The following C11orf97 variants were observed in gnomAD, a reference collection of about 807,000 sequenced individuals.
C11orf97 encodes the protein uncharacterized protein C11orf97.
Under a neutral mutation model 16.2 loss-of-function variants are expected in C11orf97, and 15 were observed. That is an observed-to-expected ratio of 0.93 (90% CI 0.62 to 1.43). The LOEUF (loss-of-function observed/expected upper bound fraction) is 1.43, where lower values mean the gene tolerates loss of function less well. C11orf97 is among the 40% of genes most tolerant of loss of function. The pLI is 0.00. For synonymous variants in C11orf97, 61 were observed against 65.7 expected (o/e 0.93, Z 0.34); for missense variants, 171 against 161.2 (o/e 1.06, Z -0.33).
intron 3 of C11orf97, among the ~76,000 whole-genome samples, chr11:94,531,037 C>T (rs7931179): frequency 6.6e-6 from 1 of 152,070 alleles, no homozygotes; most frequent in African/African-American, 2.4e-5. Context: ...GTAGTTGGGA[C>T]TCTTCCAACA....
At chr11:94,513,871 T>C (rs181840859) in intron 1 of C11orf97, among the ~76,000 whole-genome samples, 188 of 152,280 alleles carry the variant, frequency 1.2e-3, no homozygotes, top group Admixed American at 4.3e-3. Flanking sequence ...TGCAGTGGCA[T>C]GATCTGGGCT....
rs367696177 is a variant in C11orf97, at chr11:94,528,099, T to C, written c.266T>C (p.Ile89Thr). 2 of 1,534,636 alleles carry C rather than the reference T, an allele frequency of 1.3e-6. No homozygotes were observed. Among genetic ancestry groups the C allele is most frequent in the Admixed American group, 2.0e-5 (1 of 50,668 alleles). Residue 89 changes from isoleucine to threonine, a missense_variant, in exon 3 of 4, where the codon ATT (isoleucine) becomes ACT (threonine). By Grantham distance (89) the Ile-to-Thr change is moderately conservative (BLOSUM62 -1). Coordinates refer to ENST00000542198, the MANE Select transcript of C11orf97 (RefSeq NM_001190462.2). ...ATATTGACAGTGGCCCTGGAAGGGA[T>C]TTGGAGCATTAAAAGGAATCTGCCT... ...KNPAAVALEGIWSIKRNLPVG... is the reference protein window; with the variant it reads ...KNPAAVALEGTWSIKRNLPVG...
At chr11:94,530,905 G>A (rs1452918821) in intron 3 of C11orf97, among the ~76,000 whole-genome samples, 2 of 152,182 alleles carry the variant, frequency 1.3e-5, no homozygotes, top group African/African-American at 4.8e-5. Flanking sequence ...CTTACAATGA[G>A]TTTTCCAGGA....
chr11:94,512,741 G>T, intron 1 of C11orf97, 68 bp downstream of exon 1: 1 of 1,230,354 alleles, frequency 8.1e-7, no homozygotes, highest in Admixed American at 4.2e-5. Context: ...CAGGGCAATT[G>T]GGGGAAACCG....
At chr11:94,522,679 C>G (rs1336860054) in intron 2 of C11orf97, among the ~76,000 whole-genome samples, 1 of 152,196 alleles carries the variant, frequency 6.6e-6, no homozygotes, top group Admixed American at 6.5e-5. Flanking sequence ...ACCAGACCAC[C>G]ATGTTCCACA....
In C11orf97 at chr11:94,512,462, T is replaced by G; in HGVS notation, c.-67T>G. On this transcript the variant is annotated 5_prime_UTR_variant, in exon 1 of 4. It removes an upstream start codon present in the reference 5' UTR. Transcript: ENST00000542198. ...CTATGGCAACCCGAGACGCCTCGCA[T>G]GCTGGGCTGCCTGCGACTGAGCTGA... The G allele has an allele frequency of 8.0e-7, 1 of 1,247,940 alleles. No individual in the cohort carries two copies. The allele number at this position is 1,247,940 out of a possible 1,614,324, so 77.3% of individuals were successfully genotyped here. A position where few individuals can be genotyped will look rare whatever the true frequency, so the allele number is the denominator to read the frequency against.
intron 2 of C11orf97, among the ~76,000 whole-genome samples, chr11:94,521,793 C>A (rs1279705082): frequency 6.6e-6 from 1 of 152,174 alleles, no homozygotes; most frequent in Non-Finnish European, 1.5e-5. Flanking sequence ...AGAACCAGAT[C>A]CAAATTCAGA....
chr11:94,525,587 T>C (rs934634159), intron 2 of C11orf97, among the ~76,000 whole-genome samples: 1 of 152,216 alleles, frequency 6.6e-6, no homozygotes, highest in African/African-American at 2.4e-5. Context: ...TTAAAATGTC[T>C]TCTGCACCCA....
chr11:94,530,181 G>A (rs1431851285), intron 3 of C11orf97, among the ~76,000 whole-genome samples: 2 of 152,006 alleles, frequency 1.3e-5, no homozygotes, highest in African/African-American at 4.8e-5. Flanking sequence ...ACATTTCATG[G>A]CTCCCGCTCA....
intron 2 of C11orf97, among the ~76,000 whole-genome samples, chr11:94,521,081 A>T (rs919433776): frequency 6.6e-6 from 1 of 152,194 alleles, no homozygotes; most frequent in Non-Finnish European, 1.5e-5. Flanking sequence ...ACATTCAGAT[A>T]TCTTCCTCTC....
At chr11:94,531,750 G>T in intron 3 of C11orf97, 146 bp from the exon 4 acceptor site, 2 of 569,212 alleles carry the variant, frequency 3.5e-6, no homozygotes, top group Non-Finnish European at 5.5e-6. Context: ...TGGCTTTTCT[G>T]GTTACTGGGA....
chr11:94,530,032 G>T (rs148240400), intron 3 of C11orf97, among the ~76,000 whole-genome samples: 2 of 152,270 alleles, frequency 1.3e-5, no homozygotes, highest in East Asian at 3.9e-4. Context: ...TTATGAGACT[G>T]ATTGAATAAC....
At chr11:94,513,274 A>C (rs952204155) in intron 1 of C11orf97, among the ~76,000 whole-genome samples, 14 of 152,210 alleles carry the variant, frequency 9.2e-5, no homozygotes, top group African/African-American at 3.4e-4. Flanking sequence ...TGACAAACAC[A>C]CAATATTCAA....
chr11:94,517,782 A>C, intron 2 of C11orf97, 95 bp downstream of exon 2: 1 of 856,246 alleles, frequency 1.2e-6, no homozygotes. Context: ...TACTATTGAA[A>C]TAAAAAGTTT....
At position 94,512,649 on chromosome 11, in the gene C11orf97, G is replaced by T; in HGVS notation, c.121G>T (p.Gly41Cys). ...CGGGGCGCGCGGGGAACCCGGCCGC[G>T]GCCCCCTAGAGCACGGCCAGCAGTG... The part of the protein sequence containing the change: ...GCGARGEPGR[G>C]PLEHGQQWKK... Residue 41 changes from glycine (G) to cysteine (C), a missense_variant, in exon 1 of 4, where the codon GGC becomes TGC. Transcript: ENST00000542198. 3.2e-6 allele frequency: 4 copies of T among 1,250,146 alleles called. No homozygotes were observed. Among genetic ancestry groups the T allele is most frequent in the Non-Finnish European group, 4.0e-6 (4 of 996,544 alleles). 77.4% of individuals were successfully genotyped at this position (1,250,146 alleles called of 1,614,324 possible). A position where few individuals can be genotyped will look rare whatever the true frequency, so the allele number is the denominator to read the frequency against.
rs186540800 is a variant in C11orf97, at chr11:94,514,721, C to T, written c.145+2048C>T. ...GTACAGTGGCGCGATCTCGGCTCAC[C>T]GCAACTTCCCCTTCCTGGGTTCAAG... On this transcript the variant is annotated intron_variant, in intron 1 of 3. Coordinates refer to ENST00000542198, the MANE Select transcript of C11orf97 (RefSeq NM_001190462.2). Among the ~76,000 whole-genome samples the T allele has an allele frequency of 1.2e-3, 177 of 149,754 alleles. 1 individual carries two copies. Among genetic ancestry groups the T allele is most frequent in the Non-Finnish European group, 2.1e-3 (143 of 67,574 alleles).
chr11:94,523,445 T>A (rs935561563), intron 2 of C11orf97, among the ~76,000 whole-genome samples: 1 of 152,208 alleles, frequency 6.6e-6, no homozygotes, highest in African/African-American at 2.4e-5. Context: ...CCAGATTGGA[T>A]TTTCCTTAAC....
chr11:94,528,855 A>G (rs1947718393), intron 3 of C11orf97, among the ~76,000 whole-genome samples: 1 of 152,212 alleles, frequency 6.6e-6, no homozygotes, highest in Admixed American at 6.5e-5. Flanking sequence ...AGTCCTCAAA[A>G]TAGACCTACA....
intron 1 of C11orf97, among the ~76,000 whole-genome samples, chr11:94,516,725 A>G (rs1390110012): frequency 6.6e-6 from 1 of 152,230 alleles, no homozygotes; most frequent in Non-Finnish European, 1.5e-5. Flanking sequence ...GGAGTAAGGG[A>G]AAGTTTTCCT....
Sources: gnomAD v4.1 joint callset for allele counts (sites outside exome capture counted in the v4.1 genomes callset) on GRCh38, gnomAD v4.1.1 for gene constraint, MANE v1.5 for transcripts, NCBI Gene and HGNC (gene_info 2026-07-23, HGNC 2026-07-21) for gene names.